SFXN2: variants seen among roughly 807,000 people sequenced by gnomAD.
SFXN2 encodes the protein sideroflexin-2.
SFXN2 carries 37 observed loss-of-function variants against 41.9 expected under a neutral mutation model. That is an observed-to-expected ratio of 0.88 (90% confidence interval 0.68 to 1.16). SFXN2 has a LOEUF of 1.16. SFXN2 is among the 50% of genes most tolerant of loss of function. The pLI, the probability that SFXN2 is intolerant of heterozygous loss-of-function variation, is 0.00. For missense variants in SFXN2, 386 were observed against 425.2 expected, an observed-to-expected ratio of 0.91 and a Z score of 0.81; for synonymous variants, 150 against 156.7, an observed-to-expected ratio of 0.96 and a Z score of 0.32.
chr10:102,729,581 G>A, intron 5 of SFXN2, 142 bp from the exon 6 acceptor site: 1 of 1,128,086 alleles, frequency 8.9e-7, no homozygotes, highest in Non-Finnish European at 1.3e-6. Flanking sequence ...CTTTGAGGGA[G>A]TTTGGGGTTC....
chr10:102,736,038 A>T, intron 11 of SFXN2, 129 bp downstream of exon 11: 1 of 918,020 alleles, frequency 1.1e-6, no homozygotes, highest in Non-Finnish European at 1.8e-6. Flanking sequence ...ACAAGTGTCC[A>T]TCAGCCTAAA....
At chr10:102,731,328 G>C (rs1024713885) in intron 6 of SFXN2, among the ~76,000 whole-genome samples, 3 of 150,792 alleles carry the variant, frequency 2.0e-5, no homozygotes, top group Admixed American at 1.3e-4. Context: ...TGATCACACT[G>C]TGTGTCAGGT....
In SFXN2 at chr10:102,729,793, C is replaced by G. The variant is rs773486938; in HGVS notation, c.578C>G (p.Pro193Arg). The change falls in exon 6 of 12, where the codon CCC becomes CGC. Residue 193 changes from proline (P) to arginine (R), a missense_variant. Pro to Arg is a moderately radical substitution (Grantham distance 103, BLOSUM62 -2). Coordinates refer to ENST00000369893, the MANE Select transcript of SFXN2 (RefSeq NM_178858.6). ...GCTGCGGCTAACTGTGTCAATATCC[C>G]CATGATGCGACAGCAGTGAGTAAAG... is the stretch of plus-strand genomic sequence containing the variant. ...AVAAANCVNIPMMRQQELIKG... is the reference protein window; with the variant it reads ...AVAAANCVNIRMMRQQELIKG... The G allele has an allele frequency of 6.2e-6, 10 of 1,613,950 alleles. No homozygotes were observed. The Admixed American group carries it at 1.3e-4, about 22-fold the overall frequency.
chr10:102,721,126 GATT>G (rs1476604817), intron 1 of SFXN2, among the ~76,000 whole-genome samples: 4 of 152,104 alleles, frequency 2.6e-5, no homozygotes, highest in Admixed American at 2.6e-4. Flanking sequence ...CTGACTTCAG[GATT>G]GCCTAGCCAA....
chr10:102,717,679 C>T lies in SFXN2; in HGVS notation c.-26+2998C>T, dbSNP rs1374892329. The T allele has an allele frequency of 4.8e-6, 4 of 825,142 alleles. No homozygotes were observed. In the South Asian group the frequency reaches 1.7e-4, roughly 34 times the overall value. The allele number at this position is 825,142 out of a possible 1,614,324, so 51.1% of individuals were successfully genotyped here. A position where few individuals can be genotyped will look rare whatever the true frequency, so the allele number is the denominator to read the frequency against. On this transcript the variant is annotated intron_variant, in intron 1 of 11. Coordinates refer to ENST00000369893, the MANE Select transcript of SFXN2 (RefSeq NM_178858.6). ...AGTTTTGCAACTTCATGAAAGAAAG[C>T]GTGCTCTTAATTCTGTAACCTAGGC...
intron 1 of SFXN2, among the ~76,000 whole-genome samples, chr10:102,724,143 G>A (rs959173534): frequency 1.3e-5 from 2 of 152,216 alleles, no homozygotes; most frequent in Non-Finnish European, 2.9e-5. Context: ...AAGGATAATG[G>A]CCTCCATCTT....
intron 2 of SFXN2, 54 bp downstream of exon 2, chr10:102,726,851 C>T (rs904574985): frequency 6.2e-7 from 1 of 1,603,642 alleles, no homozygotes; most frequent in Non-Finnish European, 8.5e-7. Context: ...ATGGGGTCCT[C>T]TTGGGAGGAG....
chr10:102,740,083 G>C lies in SFXN2; in HGVS notation c.*2321G>C, dbSNP rs899093132. 6.6e-6 allele frequency: 1 copy of C among 152,120 alleles called. No homozygotes were observed. The highest frequency in any genetic ancestry group is 2.4e-5 in the African/African-American group (1 of 41,424). The allele number at this position is 152,120 out of a possible 1,614,324, so 9.4% of individuals were successfully genotyped here. A position where few individuals can be genotyped will look rare whatever the true frequency, so the allele number is the denominator to read the frequency against. Reference sequence around the variant, plus strand: ...CATACGTGGAGGAGCACTGCTCTAAGGGGAAAGGGCCTCCTCCCCGAGGCC... The same window carrying C: ...CATACGTGGAGGAGCACTGCTCTAACGGGAAAGGGCCTCCTCCCCGAGGCC... On this transcript the variant is annotated 3_prime_UTR_variant, in exon 12 of 12. Transcript: ENST00000369893.
intron 1 of SFXN2, among the ~76,000 whole-genome samples, chr10:102,720,087 T>C (rs1202362144): frequency 2.0e-5 from 3 of 151,836 alleles, no homozygotes; most frequent in African/African-American, 7.3e-5. Context: ...GGTCAGGAGA[T>C]CGAGACCATC....
intron 1 of SFXN2, among the ~76,000 whole-genome samples, chr10:102,718,401 C>A (rs1389615866): frequency 6.6e-6 from 1 of 152,274 alleles, no homozygotes; most frequent in Non-Finnish European, 1.5e-5. Context: ...GCCAGCCAAG[C>A]TGACTCCTTT....
Position 102,734,616 on chromosome 10 carries a change from T to C in SFXN2, c.821+1013T>C, listed in dbSNP as rs1412009324. On this transcript the variant is annotated intron_variant, in intron 10 of 11. Transcript: ENST00000369893. The surrounding 1 kb of genome is among the most constrained non-coding windows in gnomAD (Gnocchi z 4.1). ...ACTTCTGCTAATTGAGTAGTTACCATGGGCTGGGTGCTTTACATACATATC... is the reference window on the plus strand; with the variant it reads ...ACTTCTGCTAATTGAGTAGTTACCACGGGCTGGGTGCTTTACATACATATC... 1.3e-5 allele frequency among the ~76,000 whole-genome samples: 2 copies of C among 152,204 alleles called. No homozygotes were observed. Among genetic ancestry groups the C allele is most frequent in the Non-Finnish European group, 2.9e-5 (2 of 68,042 alleles).
At position 102,729,474 on chromosome 10, in the gene SFXN2, A is replaced by C. The variant is rs2136049536; in HGVS notation, c.507+80A>C. ...GGGAAAACGTCCTTCCCCCAGGGAC[A>C]GTTCCCCAGGCTGGGTGAGTTGGGA... On this transcript the variant is annotated intron_variant, in intron 5 of 11. Coordinates refer to ENST00000369893, the MANE Select transcript of SFXN2 (RefSeq NM_178858.6). The C allele has an allele frequency of 2.0e-6, 3 of 1,514,290 alleles. No homozygotes were observed. In the Admixed American group the frequency reaches 5.4e-5, roughly 27 times the overall value. The allele number at this position is 1,514,290 out of a possible 1,614,324, so 93.8% of individuals were successfully genotyped here. A position where few individuals can be genotyped will look rare whatever the true frequency, so the allele number is the denominator to read the frequency against.
At chr10:102,728,231 G>A (rs550679641) in intron 3 of SFXN2, among the ~76,000 whole-genome samples, 200 bp from the exon 4 acceptor site, 11 of 152,226 alleles carry the variant, frequency 7.2e-5, no homozygotes, top group African/African-American at 2.4e-4. Context: ...CCTGGGAGGC[G>A]GAGGTTGCAG....
intron 7 of SFXN2, 71 bp from the exon 8 acceptor site, chr10:102,732,081 C>T (rs1175954809): frequency 1.2e-5 from 17 of 1,441,182 alleles, no homozygotes; most frequent in Admixed American, 1.8e-5. Flanking sequence ...ATGATGCTGA[C>T]CCAGCCCCCT....
Position 102,725,893 on chromosome 10 carries a change from A to AT in SFXN2, c.-25-718dup, listed in dbSNP as rs201553956. ...TGTCTCAAAAAAAAAGTAAAATTAA[A>AT]TAAAAAAAAGAAGTATAAAGGGCTT... On this transcript the variant is annotated intron_variant, in intron 1 of 11. Transcript: ENST00000369893. Among the ~76,000 whole-genome samples the AT allele has an allele frequency of 9.3e-4, 141 of 152,226 alleles. 5 individuals carry two copies. In the East Asian group the frequency reaches 0.026, roughly 28 times the overall value.
intron 1 of SFXN2, chr10:102,725,119 C>T (rs971763070): frequency 2.0e-5 from 3 of 152,076 alleles, no homozygotes; most frequent in Non-Finnish European, 4.4e-5. Flanking sequence ...CTAGAGACTT[C>T]TTAAATAGGG....
At chr10:102,720,140 C>G (rs1430822291) in intron 1 of SFXN2, among the ~76,000 whole-genome samples, 1 of 151,618 alleles carries the variant, frequency 6.6e-6, no homozygotes, top group Non-Finnish European at 1.5e-5. Context: ...AAAATACAAA[C>G]AATTAGCTGG....
At chr10:102,729,170 A>C in intron 4 of SFXN2, 149 bp from the exon 5 acceptor site, 1 of 676,946 alleles carries the variant, frequency 1.5e-6, no homozygotes, top group African/African-American at 1.8e-5. Context: ...ACTGTGAGTG[A>C]GGGGGAGAGG....
In SFXN2 at chr10:102,726,564, G is replaced by A. The variant is rs769256507; in HGVS notation, c.-25-48G>A. On this transcript the variant is annotated intron_variant, in intron 1 of 11. Transcript: ENST00000369893. ...AGTGGGACGTGCTCAGGTCCTCTGTGGTGGGCTTTGATTTAGGGGACAGTC... is the reference window on the plus strand; with the variant it reads ...AGTGGGACGTGCTCAGGTCCTCTGTAGTGGGCTTTGATTTAGGGGACAGTC... The A allele has an allele frequency of 3.8e-6, 6 of 1,581,134 alleles. No individual in the cohort carries two copies. The African/African-American group carries it at 6.7e-5, about 18-fold the overall frequency.
Sources: gnomAD v4.1 joint callset for allele counts (sites outside exome capture counted in the v4.1 genomes callset) on GRCh38, gnomAD v4.1.1 for gene constraint, Gnocchi (gnomAD v3.1) non-coding constraint, MANE v1.5 for transcripts, NCBI Gene and HGNC (gene_info 2026-07-23, HGNC 2026-07-21) for gene names.